The following WBP2 variants were observed in gnomAD, a reference collection of about 807,000 sequenced individuals.
The protein encoded by WBP2 is WW domain binding protein 2.
A neutral mutation model predicts 33.0 loss-of-function variants in WBP2; 23 were observed. The ratio of observed to expected loss-of-function variants is 0.70; its 90% confidence interval spans 0.50 to 0.99. WBP2 has a LOEUF of 0.99. WBP2 is among the 50% of genes least tolerant of loss of function. The probability of loss-of-function intolerance (pLI) is 0.00; values close to 1 mark genes in which losing one functional copy is unlikely to be tolerated. For synonymous variants in WBP2, 153 were observed against 133.5 expected, an observed-to-expected ratio of 1.15 and a Z score of -1.01; for missense variants, 353 against 358.0, an observed-to-expected ratio of 0.99 and a Z score of 0.11.
In WBP2 at chr17:75,846,873, T is replaced by C. The variant is rs762927223; in HGVS notation, c.732+35A>G. On this transcript the variant is annotated intron_variant, in intron 7 of 7. Transcript: ENST00000254806. The surrounding 1 kb of genome is among the most constrained non-coding windows in gnomAD (Gnocchi z 4.8). Reference sequence around the variant, plus strand: ...CCCTGCGGCTCCCAGCATCTGCGGCTGTGGGGCTGCACCGGCACTGCCAAG... The same window carrying C: ...CCCTGCGGCTCCCAGCATCTGCGGCCGTGGGGCTGCACCGGCACTGCCAAG... 8 of 1,613,578 alleles carry C rather than the reference T, an allele frequency of 5.0e-6. No individual in the cohort carries two copies. Among genetic ancestry groups the C allele is most frequent in the African/African-American group, 4.0e-5 (3 of 74,916 alleles).
intron 1 of WBP2, 175 bp from the exon 2 acceptor site, chr17:75,851,851 C>G (rs2065029836): frequency 2.4e-5 from 11 of 466,620 alleles, no homozygotes; most frequent in Non-Finnish European, 3.7e-5. Flanking sequence ...CCCGTAATCC[C>G]AGCACTTTGG....
chr17:75,855,410 G>A (rs1046711659), upstream of WBP2: 4 of 1,263,128 alleles, frequency 3.2e-6, no homozygotes, highest in Non-Finnish European at 4.6e-6. Flanking sequence ...CTCGAGTGCG[G>A]AGGCTGGCCC....
At chr17:75,855,626 A>C, upstream of WBP2, 1 of 334,306 alleles carries the variant, frequency 3.0e-6, no homozygotes, top group South Asian at 4.1e-5. Context: ...TGCGTAACCA[A>C]TCGGCTTGTG....
chr17:75,851,701 C>T (rs1567827368), intron 1 of WBP2, 25 bp from the exon 2 acceptor site: 1 of 1,578,944 alleles, frequency 6.3e-7, no homozygotes, highest in Non-Finnish European at 8.7e-7. Context: ...GAGGAAAAGC[C>T]TCAATGAGAC....
chr17:75,847,495 G>A lies in WBP2; in HGVS notation c.647C>T (p.Thr216Ile), dbSNP rs776530774. ...PPVSGPDVPSTPAAEAKAAEA... is the reference protein window; with the variant it reads ...PPVSGPDVPSIPAAEAKAAEA... The stretch of plus-strand genomic sequence containing the variant: ...CACCCAAGGGCCCTCACCTGCAGGA[G>A]TGGAGGGGACATCGGGGCCGCTGAC... Residue 216 changes from threonine (T) to isoleucine (I), a missense_variant, in exon 6 of 8, where the codon ACT becomes ATT. Physicochemically the swap from Thr to Ile is moderately conservative, Grantham distance 89. Transcript: ENST00000254806. 1 of 1,593,416 alleles carries A rather than the reference G, an allele frequency of 6.3e-7. No individual in the cohort carries two copies. The highest frequency in any genetic ancestry group is 1.1e-5 in the South Asian group (1 of 88,118).
At chr17:75,850,629 C>T (rs923956184) in intron 2 of WBP2, among the ~76,000 whole-genome samples, 16 of 152,138 alleles carry the variant, frequency 1.1e-4, no homozygotes, top group African/African-American at 3.9e-4. Context: ...TGAGACTCTC[C>T]TGTCTTTGTG....
intron 1 of WBP2, among the ~76,000 whole-genome samples, chr17:75,853,077 T>G (rs144993877): frequency 1.6e-4 from 24 of 152,254 alleles, no homozygotes; most frequent in African/African-American, 4.8e-4. Flanking sequence ...GGAGTTTCAC[T>G]CTTGTTGCCC....
intron 5 of WBP2, 85 bp from the exon 6 acceptor site, chr17:75,847,694 G>A (rs1010333283): frequency 1.9e-6 from 3 of 1,587,294 alleles, no homozygotes; most frequent in South Asian, 1.1e-5. Flanking sequence ...CAGCTCCTTC[G>A]TTGGTCCTGA....
At chr17:75,847,131 C>T (rs2064998156) in intron 6 of WBP2, 147 bp from the exon 7 acceptor site, 5 of 850,958 alleles carry the variant, frequency 5.9e-6, no homozygotes, top group East Asian at 2.6e-5. Flanking sequence ...TTCCTGAGCA[C>T]ATGCCACGCG....
intron 5 of WBP2, 56 bp from the exon 6 acceptor site, chr17:75,847,665 C>A: frequency 1.9e-6 from 3 of 1,609,128 alleles, no homozygotes; most frequent in Non-Finnish European, 2.5e-6. Flanking sequence ...GGCCCCCTCC[C>A]GGGTGAGGGG....
At chr17:75,855,613 T>G, upstream of WBP2, 1 of 360,888 alleles carries the variant, frequency 2.8e-6, no homozygotes, top group South Asian at 3.7e-5. Flanking sequence ...TGGTTCCACA[T>G]TTTGCGTAAC....
At chr17:75,847,149 G>A (rs981607592) in intron 6 of WBP2, 165 bp from the exon 7 acceptor site, 7 of 760,110 alleles carry the variant, frequency 9.2e-6, no homozygotes, top group Middle Eastern at 3.3e-4. Flanking sequence ...GCGCTGGCAC[G>A]GTCCTTTCCA....
intron 6 of WBP2, 69 bp from the exon 7 acceptor site, chr17:75,847,053 G>A (rs931513525): frequency 6.5e-5 from 103 of 1,576,842 alleles, no homozygotes; most frequent in Non-Finnish European, 8.3e-5. Flanking sequence ...AAGAGACCCC[G>A]GGCCCCCATG....
chr17:75,847,259 C>G, intron 6 of WBP2: 1 of 739,050 alleles, frequency 1.4e-6, no homozygotes, highest in Non-Finnish European at 2.2e-6. Flanking sequence ...GAGAGGCACA[C>G]AGGGTGACCT....
At chr17:75,848,006 A>C in intron 4 of WBP2, 76 bp from the exon 5 acceptor site, 1 of 1,529,222 alleles carries the variant, frequency 6.5e-7, no homozygotes, top group South Asian at 1.2e-5. Flanking sequence ...CTGCCTGCAG[A>C]TGGGAGCTAC....
At chr17:75,850,050 G>A (rs547769070) in intron 2 of WBP2, among the ~76,000 whole-genome samples, 6 of 152,210 alleles carry the variant, frequency 3.9e-5, no homozygotes, top group Admixed American at 1.3e-4. Context: ...AGGGGCCTAC[G>A]AAGCTAGGGA....
intron 2 of WBP2, among the ~76,000 whole-genome samples, chr17:75,850,003 C>A (rs1178414583): frequency 6.6e-6 from 1 of 152,160 alleles, no homozygotes; most frequent in African/African-American, 2.4e-5. Flanking sequence ...TGCTTTGTCA[C>A]TGACGTGGTG....
chr17:75,855,247 G>A lies in WBP2; in HGVS notation c.51C>T (p.Asn17=). The change falls in exon 1 of 8, where the codon AAC becomes AAT. Residue 17 remains asparagine (N), a synonymous_variant. Coordinates refer to ENST00000254806, the MANE Select transcript of WBP2 (RefSeq NM_012478.4). ...TTCCGCAGTGTTTTCACCTCTCGGTGTTATTGACGATCACTCCGCCGCCCT... is the reference window on the plus strand; with the variant it reads ...TTCCGCAGTGTTTTCACCTCTCGGTATTATTGACGATCACTCCGCCGCCCT... The part of the protein sequence containing the change: ...HSEGGGVIVN[N]TESILMSYDH... 1 of 1,610,928 alleles carries A rather than the reference G, an allele frequency of 6.2e-7. No homozygotes were observed. The highest frequency in any genetic ancestry group is 8.5e-7 in the Non-Finnish European group (1 of 1,179,818).
intron 4 of WBP2, 67 bp downstream of exon 4, chr17:75,848,503 G>T: frequency 6.8e-7 from 1 of 1,480,016 alleles, no homozygotes; most frequent in Non-Finnish European, 9.3e-7. Flanking sequence ...CGAAAAGGAA[G>T]CAAACTCATA....
Sources: gnomAD v4.1 joint callset for allele counts (sites outside exome capture counted in the v4.1 genomes callset) on GRCh38, gnomAD v4.1.1 for gene constraint, Gnocchi (gnomAD v3.1) non-coding constraint, MANE v1.5 for transcripts, NCBI Gene and HGNC (gene_info 2026-07-23, HGNC 2026-07-21) for gene names.